ARHGAP15: variants seen among roughly 807,000 people sequenced by gnomAD.
ARHGAP15 encodes the protein Rho GTPase activating protein 15.
Under a neutral mutation model 63.7 loss-of-function variants are expected in ARHGAP15, and 51 were observed. The observed-to-expected ratio is 0.80, with a 90% CI of 0.64 to 1.01. The LOEUF is 1.01. ARHGAP15 is among the 50% of genes least tolerant of loss of function. ARHGAP15 has a pLI of 0.00. For missense variants in ARHGAP15, 560 were observed against 564.6 expected (o/e 0.99, Z 0.08); for synonymous variants, 191 against 193.8 (o/e 0.99, Z 0.12).
chr2:143,336,076 C>A (rs762218369), intron 6 of ARHGAP15, among the ~76,000 whole-genome samples: 1 of 152,114 alleles, frequency 6.6e-6, no homozygotes, highest in Non-Finnish European at 1.5e-5. Flanking sequence ...TCAATGCTCA[C>A]GGCAGCCTCG....
At chr2:143,673,756 G>GTGTGTGTGTATATATATATA (rs1682668589) in intron 12 of ARHGAP15, among the ~76,000 whole-genome samples, 4 of 30,988 alleles carry the variant, frequency 1.3e-4, no homozygotes, top group African/African-American at 2.8e-4. Flanking sequence ...GTGTGTGTGT[G>GTGTGTGTGTATATATATATA]TGTATATATA....
chr2:143,642,595 A>G (rs1680658663), intron 12 of ARHGAP15, among the ~76,000 whole-genome samples: 1 of 152,114 alleles, frequency 6.6e-6, no homozygotes. Context: ...TGTCCAAGCC[A>G]TGCTATATGC....
chr2:143,322,165 G>A (rs761771556), intron 6 of ARHGAP15, among the ~76,000 whole-genome samples: 10 of 151,884 alleles, frequency 6.6e-5, no homozygotes, highest in South Asian at 4.2e-4. Flanking sequence ...TCCCTGCCAC[G>A]CCCAACTGCA....
intron 9 of ARHGAP15, among the ~76,000 whole-genome samples, chr2:143,509,950 G>C (rs2104956336): frequency 6.9e-6 from 1 of 144,904 alleles, no homozygotes; most frequent in African/African-American, 2.5e-5. Context: ...GAACCAGGGA[G>C]TCAGAGGTGT....
chr2:143,753,169 A>G (rs141368523), intron 13 of ARHGAP15, among the ~76,000 whole-genome samples: 7 of 152,282 alleles, frequency 4.6e-5, no homozygotes, highest in Admixed American at 4.6e-4. Flanking sequence ...CATAAAATAT[A>G]TGTTGACAGA....
At chr2:143,303,804 G>C (rs1273875193) in intron 6 of ARHGAP15, among the ~76,000 whole-genome samples, 1 of 152,138 alleles carries the variant, frequency 6.6e-6, no homozygotes, top group Non-Finnish European at 1.5e-5. Context: ...GATATGAACA[G>C]ACACTTCTCA....
intron 6 of ARHGAP15, among the ~76,000 whole-genome samples, chr2:143,288,811 C>T (rs1399416429): frequency 6.6e-6 from 1 of 151,968 alleles, no homozygotes; most frequent in Non-Finnish European, 1.5e-5. Context: ...CGGGGGAATA[C>T]ATATTTCACC....
intron 12 of ARHGAP15, among the ~76,000 whole-genome samples, chr2:143,670,708 T>C (rs574662027): frequency 1.3e-5 from 2 of 152,292 alleles, no homozygotes; most frequent in Non-Finnish European, 2.9e-5. Context: ...TTGTCTCTTA[T>C]TCCATCATCA....
chr2:143,648,781 T>C (rs947895786), intron 12 of ARHGAP15: 1 of 152,040 alleles, frequency 6.6e-6, no homozygotes, highest in South Asian at 2.1e-4. Context: ...CCTATGATTT[T>C]CATATAATCA....
intron 6 of ARHGAP15, among the ~76,000 whole-genome samples, chr2:143,337,531 A>G (rs1302793233): frequency 6.6e-6 from 1 of 152,216 alleles, no homozygotes; most frequent in Non-Finnish European, 1.5e-5. Flanking sequence ...AAATGGAAAC[A>G]TATAAAGTCA....
Position 143,390,008 on chromosome 2 carries a change from T to TAAA in ARHGAP15, c.475-45579_475-45577dup, listed in dbSNP as rs140037498. 7.2e-3 allele frequency among the ~76,000 whole-genome samples: 979 copies of TAAA among 135,358 alleles called. 11 individuals are homozygous for TAAA. Among genetic ancestry groups the TAAA allele is most frequent in the South Asian group, 0.033 (141 of 4,240 alleles). 88.8% of individuals were successfully genotyped at this position (135,358 alleles called of 152,430 possible). The stretch of plus-strand genomic sequence containing the variant: ...GAGCTCAGATGAACCAGTCCTTTAT[T>TAAA]AAAAAAAAAAAAAAAAGCAGTAAGG... On this transcript the variant is annotated intron_variant, in intron 6 of 13. Coordinates refer to ENST00000295095, the MANE Select transcript of ARHGAP15 (RefSeq NM_018460.4).
At chr2:143,180,562 T>C (rs1173294573) in intron 2 of ARHGAP15, among the ~76,000 whole-genome samples, 1 of 152,264 alleles carries the variant, frequency 6.6e-6, no homozygotes, top group African/African-American at 2.4e-5. Flanking sequence ...ATGTTCTTAG[T>C]GACATCTAGA....
At chr2:143,402,380 C>T (rs1466347882) in intron 6 of ARHGAP15, among the ~76,000 whole-genome samples, 4 of 151,708 alleles carry the variant, frequency 2.6e-5, no homozygotes, top group Admixed American at 2.6e-4. Flanking sequence ...ACAGATCAAA[C>T]TAAAGTTGGA....
At chr2:143,692,096 G>T (rs1240781299) in intron 12 of ARHGAP15, among the ~76,000 whole-genome samples, 1 of 152,212 alleles carries the variant, frequency 6.6e-6, no homozygotes, top group African/African-American at 2.4e-5. Flanking sequence ...AAGCAAGGCT[G>T]CAAAGCAGCT....
Position 143,703,593 on chromosome 2 carries a change from C to T in ARHGAP15, c.1244+69C>T, listed in dbSNP as rs915785613. On this transcript the variant is annotated intron_variant, in intron 13 of 13. Transcript: ENST00000295095. ...CCTAAATGGGCAATATTGAATTTCA[C>T]ATCTCTAAGGCAAGAGTTTCCAAAT... 3 of 1,270,322 alleles carry T rather than the reference C, an allele frequency of 2.4e-6. No homozygotes were observed. The Admixed American group carries it at 6.3e-5, about 27-fold the overall frequency. 78.7% of individuals were successfully genotyped at this position (1,270,322 alleles called of 1,614,324 possible). A position where few individuals can be genotyped will look rare whatever the true frequency, so the allele number is the denominator to read the frequency against.
At chr2:143,767,695 A>G (rs2072969226) in intron 13 of ARHGAP15, among the ~76,000 whole-genome samples, 1 of 152,090 alleles carries the variant, frequency 6.6e-6, no homozygotes, top group Admixed American at 6.6e-5. Flanking sequence ...GCTGAATCTT[A>G]TTAATTTCAC....
chr2:143,485,308 C>A (rs4600585), intron 8 of ARHGAP15, among the ~76,000 whole-genome samples: 150,417 of 152,174 alleles, frequency 0.99, 74,369 homozygotes, highest in Middle Eastern at 1. Context: ...TTAAGAGCCC[C>A]ATAGCTGGGA....
At chr2:143,464,150 A>G (rs148368938) in intron 8 of ARHGAP15, among the ~76,000 whole-genome samples, 10 of 152,334 alleles carry the variant, frequency 6.6e-5, no homozygotes, top group Admixed American at 6.5e-4. Flanking sequence ...CCACTCATTT[A>G]GCTTTGAATT....
At chr2:143,364,965 C>T (rs962567024) in intron 6 of ARHGAP15, among the ~76,000 whole-genome samples, 16 of 152,010 alleles carry the variant, frequency 1.1e-4, no homozygotes, top group Admixed American at 5.9e-4. Context: ...AAGACTGGGC[C>T]GCTGCACTCC....
Sources: gnomAD v4.1 joint callset for allele counts (sites outside exome capture counted in the v4.1 genomes callset) on GRCh38, gnomAD v4.1.1 for gene constraint, MANE v1.5 for transcripts, NCBI Gene and HGNC (gene_info 2026-07-23, HGNC 2026-07-21) for gene names.